KHNYN: variants seen among roughly 807,000 people sequenced by gnomAD.
The protein encoded by KHNYN is protein KHNYN.
In KHNYN, 42 loss-of-function variants were observed where a neutral mutation model predicts 62.7. That is an observed-to-expected ratio of 0.67 (90% CI 0.52 to 0.87). KHNYN has a LOEUF of 0.87. Among genes scored for constraint, KHNYN ranks in the 40% least tolerant of loss-of-function variants. The pLI, the probability that KHNYN is intolerant of heterozygous loss-of-function variation, is 0.00. For missense variants in KHNYN, 829 were observed against 874.1 expected (o/e 0.95, Z 0.65); for synonymous variants, 347 against 345.6 (o/e 1.00, Z -0.04).
At position 24,439,202 on chromosome 14, in the gene KHNYN, T is replaced by G. The variant is rs2043254245; in HGVS notation, c.*1917T>G. 1 of 151,898 alleles carries G rather than the reference T, an allele frequency of 6.6e-6. No individual in the cohort carries two copies. The highest frequency in any genetic ancestry group is 2.4e-5 in the African/African-American group (1 of 41,300). 9.4% of individuals were successfully genotyped at this position (151,898 alleles called of 1,614,324 possible). A position where few individuals can be genotyped will look rare whatever the true frequency, so the allele number is the denominator to read the frequency against. On this transcript the variant is annotated 3_prime_UTR_variant, in exon 8 of 8. Transcript: ENST00000553935. ...ACCTTGGAGTTTTTTTTTTTCCTGA[T>G]AGGGTTGTTTATACTTCTTGATTGG... is the stretch of plus-strand genomic sequence containing the variant.
At position 24,441,691 on chromosome 14, in the gene KHNYN, A is replaced by C. The variant is rs1423751011; in HGVS notation, c.*4406A>C. On this transcript the variant is annotated 3_prime_UTR_variant, in exon 8 of 8. Coordinates refer to ENST00000553935, the MANE Select transcript of KHNYN (RefSeq NM_015299.3). The stretch of plus-strand genomic sequence containing the variant: ...GGGCGTACCTACACCTGTGACTAAG[A>C]CCCAGGCCTTGGGGGGTTGTGGGGC... 7 of 1,589,236 alleles carry C rather than the reference A, an allele frequency of 4.4e-6. No homozygotes were observed. Among genetic ancestry groups the C allele is most frequent in the Non-Finnish European group, 5.1e-6 (6 of 1,173,156 alleles).
At chr14:24,423,560 G>A in the KHNYN span, among the ~76,000 whole-genome samples, 26 of 152,318 alleles carry the variant, frequency 1.7e-4, no homozygotes, top group South Asian at 4.1e-4. Context: ...GCTGTCTGCC[G>A]CTGACCATGG....
chr14:24,430,192 T>C (rs2043079079), intron 1 of KHNYN, 73 bp downstream of exon 1: 1 of 962,564 alleles, frequency 1.0e-6, no homozygotes, highest in Non-Finnish European at 1.2e-6. Flanking sequence ...CGGCCCGGGG[T>C]GGCTGCCCCA....
upstream of KHNYN, chr14:24,429,083 C>T (rs2043058068): frequency 1.4e-6 from 2 of 1,465,284 alleles, no homozygotes; most frequent in Non-Finnish European, 1.8e-6. Flanking sequence ...CCCACAAGTG[C>T]CCCGGTCTTC....
rs2043245827 is a variant in KHNYN at position 24,438,762 on chromosome 14, TC to T, written c.*1479del. 1 of 152,210 alleles carries T rather than the reference TC, an allele frequency of 6.6e-6. No homozygotes were observed. The highest frequency in any genetic ancestry group is 2.1e-4 in the South Asian group (1 of 4,826). The allele number at this position is 152,210 out of a possible 1,614,324, so 9.4% of individuals were successfully genotyped here. A position where few individuals can be genotyped will look rare whatever the true frequency, so the allele number is the denominator to read the frequency against. ...AGGAACAATACAGAGCCAGTCAACT[TC>T]CTGGAATCCAAGACCAGATAAAGAA... On this transcript the variant is annotated 3_prime_UTR_variant, in exon 8 of 8. Coordinates refer to ENST00000553935, the MANE Select transcript of KHNYN (RefSeq NM_015299.3).
chr14:24,431,633 G>A lies in KHNYN; in HGVS notation c.372G>A (p.Leu124=). 1.9e-6 allele frequency: 3 copies of A among 1,613,828 alleles called. No individual in the cohort carries two copies. Among genetic ancestry groups the A allele is most frequent in the Non-Finnish European group, 1.7e-6 (2 of 1,179,810 alleles). Residue 124 remains leucine, a synonymous_variant, in exon 3 of 8, where the codon CTG becomes CTA. Coordinates refer to ENST00000553935, the MANE Select transcript of KHNYN (RefSeq NM_015299.3). The stretch of plus-strand genomic sequence containing the variant: ...CAGGCTCACTGATGATCAGTGGCCT[G>A]ACTGAAGCCTTTGTCATGGCTCAGA... ...RAPGSLMISG[L]TEAFVMAQSR...
intron 7 of KHNYN, among the ~76,000 whole-genome samples, chr14:24,436,796 G>T (rs979083785): frequency 2.6e-5 from 4 of 152,188 alleles, no homozygotes; most frequent in African/African-American, 7.2e-5. Context: ...TTACATAAGT[G>T]ATTCATTTAG....
chr14:24,433,080 T>TG, intron 5 of KHNYN, 48 bp downstream of exon 5: 1 of 1,524,668 alleles, frequency 6.6e-7, no homozygotes, highest in Non-Finnish European at 9.1e-7. Context: ...AGGAGCCCTA[T>TG]GGAAGACTGA....
chr14:24,433,641 T>C (rs536587766), intron 5 of KHNYN, among the ~76,000 whole-genome samples: 1 of 152,316 alleles, frequency 6.6e-6, no homozygotes, highest in South Asian at 2.1e-4. Flanking sequence ...CTTGTGAATA[T>C]ACGAAAAAGA....
rs1036351584 is a variant in KHNYN at position 24,436,943 on chromosome 14, G to T, written c.1788-93G>T. The T allele has an allele frequency of 3.4e-6, 5 of 1,492,300 alleles. No homozygotes were observed. The East Asian group carries it at 1.1e-4, about 34-fold the overall frequency. 92.4% of individuals were successfully genotyped at this position (1,492,300 alleles called of 1,614,324 possible). On this transcript the variant is annotated intron_variant, in intron 7 of 7. Transcript: ENST00000553935. ...TTCAGGATTTCTCCCCCAAAGCCAG[G>T]AATAGGCAGGACAATTACGAGAGGG...
Position 24,433,110 on chromosome 14 carries a change from G to C in KHNYN, c.1577+78G>C, listed in dbSNP as rs1400125694. 2.3e-6 allele frequency: 3 copies of C among 1,324,340 alleles called. No homozygotes were observed. In the African/African-American group the frequency reaches 4.4e-5, roughly 19 times the overall value. The allele number at this position is 1,324,340 out of a possible 1,614,324, so 82.0% of individuals were successfully genotyped here. A position where few individuals can be genotyped will look rare whatever the true frequency, so the allele number is the denominator to read the frequency against. On this transcript the variant is annotated intron_variant, in intron 5 of 7. Coordinates refer to ENST00000553935, the MANE Select transcript of KHNYN (RefSeq NM_015299.3). ...GACTGAGGGAGAGAGAAAAGCTCCT[G>C]GTGGTTTACGCTGTTTCTAAGCCTT...
At chr14:24,426,654 T>C (rs1176636508), upstream of KHNYN, 1 of 152,204 alleles carries the variant, frequency 6.6e-6, no homozygotes, top group Non-Finnish European at 1.5e-5. Flanking sequence ...CTATAGTGTC[T>C]CACTGACCAC....
chr14:24,434,000 T>C lies in KHNYN; in HGVS notation c.1577+968T>C, dbSNP rs1257074822. 1.8e-5 allele frequency: 5 copies of C among 279,904 alleles called. No individual in the cohort carries two copies. In the East Asian group the frequency reaches 7.0e-4, roughly 39 times the overall value. The allele number at this position is 279,904 out of a possible 1,614,324, so 17.3% of individuals were successfully genotyped here. A position where few individuals can be genotyped will look rare whatever the true frequency, so the allele number is the denominator to read the frequency against. On this transcript the variant is annotated intron_variant, in intron 5 of 7. Transcript: ENST00000553935. ...TTTCCAAACCATAGTGATTATATACTTTGTCTTTTCAAACACTTACCTTCT... is the reference window on the plus strand; with the variant it reads ...TTTCCAAACCATAGTGATTATATACCTTGTCTTTTCAAACACTTACCTTCT...
upstream of KHNYN, chr14:24,429,634 A>G (rs1422722955): frequency 8.9e-7 from 1 of 1,124,562 alleles, no homozygotes; most frequent in Non-Finnish European, 1.1e-6. Context: ...TTTGGTGGAA[A>G]GTGCTTGGGC....
Position 24,440,659 on chromosome 14 carries a change from G to C in KHNYN, c.*3374G>C. On this transcript the variant is annotated 3_prime_UTR_variant, in exon 8 of 8. Transcript: ENST00000553935. The stretch of plus-strand genomic sequence containing the variant: ...AAGACCTCACACCTTCTCATCTGCA[G>C]GTTGGCTAGAAGTGGTGGCATCCTC... 1 of 1,386,950 alleles carries C rather than the reference G, an allele frequency of 7.2e-7. No homozygotes were observed. The highest frequency in any genetic ancestry group is 1.0e-6 in the Non-Finnish European group (1 of 999,262). The allele number at this position is 1,386,950 out of a possible 1,614,324, so 85.9% of individuals were successfully genotyped here.
Position 24,440,561 on chromosome 14 carries a change from TTC to T in KHNYN, c.*3278_*3279del, listed in dbSNP as rs1255609295. 2 of 1,523,558 alleles carry T rather than the reference TTC, an allele frequency of 1.3e-6. No homozygotes were observed. Among genetic ancestry groups the T allele is most frequent in the Non-Finnish European group, 1.8e-6 (2 of 1,122,452 alleles). The allele number at this position is 1,523,558 out of a possible 1,614,324, so 94.4% of individuals were successfully genotyped here. On this transcript the variant is annotated 3_prime_UTR_variant, in exon 8 of 8. Coordinates refer to ENST00000553935, the MANE Select transcript of KHNYN (RefSeq NM_015299.3). The stretch of plus-strand genomic sequence containing the variant: ...GAAGGAGCCCACTGCTCCTCCTGGT[TTC>T]TGTTTCCCCTTCCTCACTCTCCCCA...
In KHNYN at chr14:24,440,614, T is replaced by C. The variant is rs1446646656; in HGVS notation, c.*3329T>C. On this transcript the variant is annotated 3_prime_UTR_variant, in exon 8 of 8. Transcript: ENST00000553935. ...TGCTGACTTGGCTCTGTAACAGAAG[T>C]GAGCAGTATGGCTGTCTTTAAGACC... 2 of 1,374,794 alleles carry C rather than the reference T, an allele frequency of 1.5e-6. No homozygotes were observed. The highest frequency in any genetic ancestry group is 4.9e-5 in the East Asian group (2 of 41,090). 85.2% of individuals were successfully genotyped at this position (1,374,794 alleles called of 1,614,324 possible). A position where few individuals can be genotyped will look rare whatever the true frequency, so the allele number is the denominator to read the frequency against.
chr14:24,429,017 AGGGGACCTGGTAGCCAGTGTG>A (rs2043056863), upstream of KHNYN: 1 of 1,534,132 alleles, frequency 6.5e-7, no homozygotes, highest in Non-Finnish European at 8.8e-7. Context: ...GGGACTGTGT[AGGGGACCTGGTAGCCAGTGTG>A]GCTTGGCTCC....
At chr14:24,426,577 T>C (rs2043021836), upstream of KHNYN, 1 of 152,260 alleles carries the variant, frequency 6.6e-6, no homozygotes, top group African/African-American at 2.4e-5. Context: ...TATTTTCCTC[T>C]GCAACATACC....
Sources: gnomAD v4.1 joint callset for allele counts (sites outside exome capture counted in the v4.1 genomes callset) on GRCh38, gnomAD v4.1.1 for gene constraint, MANE v1.5 for transcripts, NCBI Gene and HGNC (gene_info 2026-07-23, HGNC 2026-07-21) for gene names.